The following DDR2 variants were observed in gnomAD, a reference collection of about 807,000 sequenced individuals.
The protein encoded by DDR2 is discoidin domain-containing receptor 2.
DDR2 carries 27 observed loss-of-function variants against 94.9 expected under a neutral mutation model. The ratio of observed to expected loss-of-function variants is 0.28; its 90% CI spans 0.21 to 0.39. The LOEUF (loss-of-function observed/expected upper bound fraction) is 0.39, where lower values mean the gene tolerates loss of function less well. Among genes scored for constraint, DDR2 ranks in the 10% least tolerant of loss-of-function variants. The probability of loss-of-function intolerance (pLI) is 1.00; values close to 1 mark genes in which losing one functional copy is unlikely to be tolerated. For missense variants in DDR2, 783 were observed against 1,076.0 expected, an observed-to-expected ratio of 0.73 and a Z score of 3.81; for synonymous variants, 382 against 377.2, an observed-to-expected ratio of 1.01 and a Z score of -0.15.
At chr1:162,713,822 T>C (rs1233801029) in intron 2 of DDR2, among the ~76,000 whole-genome samples, 1 of 152,172 alleles carries the variant, frequency 6.6e-6, no homozygotes, top group Non-Finnish European at 1.5e-5. Context: ...CCTCATTGTG[T>C]ACACACACAA....
At chr1:162,643,559 G>A (rs1316824889) in intron 1 of DDR2, among the ~76,000 whole-genome samples, 1 of 151,946 alleles carries the variant, frequency 6.6e-6, no homozygotes, top group Non-Finnish European at 1.5e-5. Context: ...TTGGCTCACT[G>A]TAACTCCGCC....
intron 1 of DDR2, among the ~76,000 whole-genome samples, chr1:162,642,449 T>G (rs1657185824): frequency 2.2e-5 from 1 of 44,880 alleles, no homozygotes; most frequent in South Asian, 6.6e-4. Flanking sequence ...ATTTTCTGTG[T>G]TTTTTTTTTT....
chr1:162,773,396 G>A, intron 13 of DDR2, 73 bp from the exon 14 acceptor site: 7 of 1,600,904 alleles, frequency 4.4e-6, no homozygotes, highest in Non-Finnish European at 6.0e-6. Flanking sequence ...TTATCTCCAG[G>A]AAATGCCCAG....
In DDR2 at chr1:162,753,208, T is replaced by C. The variant is rs368189262; in HGVS notation, c.185+11T>C. 2 of 1,611,320 alleles carry C rather than the reference T, an allele frequency of 1.2e-6. No individual in the cohort carries two copies. The highest frequency in any genetic ancestry group is 1.3e-5 in the African/African-American group (1 of 74,954). ...TGCCAAATATGGAAGGTGAGGATGG[T>C]TACATCAAGAAAGCCCATGTTCTGG... On this transcript the variant is annotated intron_variant, in intron 4 of 17. Transcript: ENST00000367921.
intron 2 of DDR2, among the ~76,000 whole-genome samples, chr1:162,679,891 T>G (rs61811972): frequency 0.064 from 9,761 of 152,248 alleles, 360 homozygotes; most frequent in Admixed American, 0.082. Context: ...ATTAGTGATG[T>G]CAAGTATTTT....
intron 4 of DDR2, among the ~76,000 whole-genome samples, chr1:162,754,376 A>C (rs1470847767): frequency 6.6e-6 from 1 of 152,194 alleles, no homozygotes; most frequent in African/African-American, 2.4e-5. Context: ...CAGGATGGGA[A>C]GTGAAGGCTA....
intron 3 of DDR2, among the ~76,000 whole-genome samples, chr1:162,728,300 C>A (rs1307618218): frequency 6.6e-6 from 1 of 150,874 alleles, no homozygotes; most frequent in Non-Finnish European, 1.5e-5. Flanking sequence ...CCAATCAGGT[C>A]AAATCTCCAA....
At position 162,759,938 on chromosome 1, in the gene DDR2, A is replaced by G. The variant is rs373748687; in HGVS notation, c.814A>G (p.Met272Val). Reference protein sequence around the residue: ...ESATNGYIEIMFEFDRIRNFT... With the variant: ...ESATNGYIEIVFEFDRIRNFT... ...TGCCACCAATGGCTACATTGAGATC[A>G]TGTTTGAATTTGACCGCATCAGGAA... Residue 272 changes from methionine (M) to valine (V), a missense_variant, in exon 8 of 18, where the codon ATG becomes GTG. By Grantham distance (21) the Met-to-Val change is conservative. This residue lies in a region of DDR2 where 519 missense variants were observed against 647.9 expected (regional missense o/e 0.80). Coordinates refer to ENST00000367921, the MANE Select transcript of DDR2 (RefSeq NM_006182.4). 14 of 1,614,042 alleles carry G rather than the reference A, an allele frequency of 8.7e-6. No individual in the cohort carries two copies. In the African/African-American group the frequency reaches 1.6e-4, roughly 18 times the overall value.
In DDR2 at chr1:162,689,841, T is replaced by TAAAAAAAGAAAAAAA; in HGVS notation, c.-27-29196_-27-29195insAAAAAAAGAAAAAAA. Reference sequence around the variant, plus strand: ...CAACATGGTGAAACCCCATCTCTACTTAAAAAAAAAAAAAAAAAAAAAAAA... The same window carrying TAAAAAAAGAAAAAAA: ...CAACATGGTGAAACCCCATCTCTACTAAAAAAAGAAAAAAATAAAAAAAAAAAAAAAAAAAAAAAA... On this transcript the variant is annotated intron_variant, in intron 2 of 17. Coordinates refer to ENST00000367921, the MANE Select transcript of DDR2 (RefSeq NM_006182.4). Among the ~76,000 whole-genome samples, 2 of 14,686 alleles carry TAAAAAAAGAAAAAAA rather than the reference T, an allele frequency of 1.4e-4. 1 individual carries two copies. Among genetic ancestry groups the TAAAAAAAGAAAAAAA allele is most frequent in the Non-Finnish European group, 3.5e-4 (2 of 5,788 alleles). The allele number at this position is 14,686 out of a possible 152,430, so 9.6% of individuals were successfully genotyped here. A position where few individuals can be genotyped will look rare whatever the true frequency, so the allele number is the denominator to read the frequency against.
chr1:162,734,152 A>C (rs757182604), intron 3 of DDR2, among the ~76,000 whole-genome samples: 17 of 152,234 alleles, frequency 1.1e-4, no homozygotes, highest in Non-Finnish European at 1.8e-4. Flanking sequence ...TTTGTAAAAG[A>C]AATACATTTG....
intron 9 of DDR2, 67 bp from the exon 10 acceptor site, chr1:162,765,934 T>C (rs1663967804): frequency 1.4e-6 from 2 of 1,460,548 alleles, no homozygotes; most frequent in Non-Finnish European, 1.9e-6. Flanking sequence ...GGTCACAATA[T>C]GCCTTCAGAG....
At chr1:162,707,191 C>G (rs554809094) in intron 2 of DDR2, among the ~76,000 whole-genome samples, 1 of 152,196 alleles carries the variant, frequency 6.6e-6, no homozygotes, top group South Asian at 2.1e-4. Flanking sequence ...TTCTACCATG[C>G]CTAACATCAG....
chr1:162,694,891 A>G (rs1303091153), intron 2 of DDR2, among the ~76,000 whole-genome samples: 1 of 152,228 alleles, frequency 6.6e-6, no homozygotes, highest in African/African-American at 2.4e-5. Context: ...TTTCTCAGAC[A>G]CAGAAACATT....
chr1:162,765,512 T>A (rs1451959107), intron 9 of DDR2, among the ~76,000 whole-genome samples: 1 of 152,086 alleles, frequency 6.6e-6, no homozygotes, highest in African/African-American at 2.4e-5. Flanking sequence ...GACACTCCAA[T>A]GTCAGTAAAT....
chr1:162,658,036 G>A (rs1658095262), intron 2 of DDR2, among the ~76,000 whole-genome samples: 1 of 152,052 alleles, frequency 6.6e-6, no homozygotes, highest in Non-Finnish European at 1.5e-5. Context: ...AATCACTGGA[G>A]GGCAGCTCAA....
chr1:162,705,270 G>A (rs919753367), intron 2 of DDR2: 3 of 152,164 alleles, frequency 2.0e-5, no homozygotes, highest in African/African-American at 4.8e-5. Context: ...CCCTGACTGC[G>A]TCTTAACAGC....
At chr1:162,759,418 G>T (rs1463650657) in intron 7 of DDR2, among the ~76,000 whole-genome samples, 2 of 152,092 alleles carry the variant, frequency 1.3e-5, no homozygotes, top group African/African-American at 4.8e-5. Flanking sequence ...TTTACTCTAT[G>T]AATTAGTTCA....
At chr1:162,748,568 A>G (rs1403220725) in intron 3 of DDR2, among the ~76,000 whole-genome samples, 1 of 152,146 alleles carries the variant, frequency 6.6e-6, no homozygotes. Context: ...AGATTTTAAC[A>G]CCCCACTGTC....
chr1:162,728,198 A>G (rs1192039989), intron 3 of DDR2, among the ~76,000 whole-genome samples: 1 of 145,062 alleles, frequency 6.9e-6, no homozygotes, highest in Non-Finnish European at 1.5e-5. Flanking sequence ...ATATATAGAT[A>G]GATATATCTT....
Sources: gnomAD v4.1 joint callset for allele counts (sites outside exome capture counted in the v4.1 genomes callset) on GRCh38, gnomAD v4.1.1 for gene constraint, gnomAD v4.1.1 regional missense constraint, MANE v1.5 for transcripts, NCBI Gene and HGNC (gene_info 2026-07-23, HGNC 2026-07-21) for gene names.